The following SLC31A1 variants were observed in gnomAD, a reference collection of about 807,000 sequenced individuals.
SLC31A1 encodes the protein high affinity copper uptake protein 1.
In SLC31A1, 5 loss-of-function variants were observed where a neutral mutation model predicts 17.2. The observed-to-expected ratio is 0.29, with a 90% CI of 0.15 to 0.61. SLC31A1 has a LOEUF of 0.61. Among genes scored for constraint, SLC31A1 ranks in the 20% least tolerant of loss-of-function variants. The pLI, the probability that SLC31A1 is intolerant of heterozygous loss-of-function variation, is 0.86. For missense variants in SLC31A1, 161 were observed against 241.4 expected, an observed-to-expected ratio of 0.67 and a Z score of 2.21; for synonymous variants, 76 against 78.8, an observed-to-expected ratio of 0.96 and a Z score of 0.19.
chr9:113,254,079 C>T (rs1252410747), intron 1 of SLC31A1, among the ~76,000 whole-genome samples: 5 of 151,456 alleles, frequency 3.3e-5, no homozygotes, highest in Admixed American at 2.0e-4. Flanking sequence ...CTCAGCCACC[C>T]GAGTAACTGG....
chr9:113,256,805 G>C (rs1043276132), intron 2 of SLC31A1, among the ~76,000 whole-genome samples: 4 of 150,994 alleles, frequency 2.6e-5, no homozygotes, highest in African/African-American at 9.8e-5. Flanking sequence ...AGGTTGTAGT[G>C]AGCCGAGATC....
chr9:113,239,296 A>ATCT (rs995276846), intron 1 of SLC31A1, among the ~76,000 whole-genome samples: 1 of 152,130 alleles, frequency 6.6e-6, no homozygotes, highest in Non-Finnish European at 1.5e-5. Context: ...CCAGGAATAA[A>ATCT]TTCTTCTTAC....
At position 113,243,891 on chromosome 9, in the gene SLC31A1, C is replaced by T. The variant is rs575759161; in HGVS notation, c.-35-12223C>T. ...CCTACTGGCCAAGCGCAGTGGCTCA[C>T]GCCTGTAATCCCAGCACTTTGGGAG... On this transcript the variant is annotated intron_variant, in intron 1 of 4. Coordinates refer to ENST00000374212, the MANE Select transcript of SLC31A1 (RefSeq NM_001859.4). Among the ~76,000 whole-genome samples, 24 of 152,176 alleles carry T rather than the reference C, an allele frequency of 1.6e-4. No homozygotes were observed. The East Asian group carries it at 3.3e-3, about 21-fold the overall frequency.
chr9:113,260,707 A>C lies in SLC31A1; in HGVS notation c.*234A>C. On this transcript the variant is annotated 3_prime_UTR_variant, in exon 5 of 5. Transcript: ENST00000374212. ...ATAAGCTGAGATTCCCATTTCTCTTAAGGAGAAGCCACCCATGAGATGTCT... is the reference window on the plus strand; with the variant it reads ...ATAAGCTGAGATTCCCATTTCTCTTCAGGAGAAGCCACCCATGAGATGTCT... The C allele has an allele frequency of 1.8e-6, 1 of 554,332 alleles. No individual in the cohort carries two copies. The highest frequency in any genetic ancestry group is 3.3e-6 in the Non-Finnish European group (1 of 303,844). The allele number at this position is 554,332 out of a possible 1,614,324, so 34.3% of individuals were successfully genotyped here.
intron 1 of SLC31A1, among the ~76,000 whole-genome samples, chr9:113,252,666 C>G (rs2119011382): frequency 6.6e-6 from 1 of 152,312 alleles, no homozygotes; most frequent in South Asian, 2.1e-4. Context: ...GTTTCCCTTT[C>G]TAGCTTTTAG....
intron 1 of SLC31A1, 54 bp from the exon 2 acceptor site, chr9:113,256,059 AG>A: frequency 2.3e-6 from 3 of 1,318,092 alleles, no homozygotes; most frequent in Non-Finnish European, 3.1e-6. Context: ...AATAAAAAAA[AG>A]AGATAAGATT....
At chr9:113,237,222 C>T (rs908465169) in intron 1 of SLC31A1, among the ~76,000 whole-genome samples, 2 of 152,242 alleles carry the variant, frequency 1.3e-5, no homozygotes, top group Admixed American at 6.5e-5. Flanking sequence ...ACAGTTGTAG[C>T]GCATACTGTA....
chr9:113,258,234 T>C lies in SLC31A1; in HGVS notation c.203-460T>C, dbSNP rs964004496. ...TTTGTTTTGGGAAGAAGGAGAGCAT[T>C]TAGTTCAGGTAATGTGTTAAATTAG... On this transcript the variant is annotated intron_variant, in intron 3 of 4. Coordinates refer to ENST00000374212, the MANE Select transcript of SLC31A1 (RefSeq NM_001859.4). The surrounding 1 kb of genome is among the most constrained non-coding windows in gnomAD (Gnocchi z 4.8). Among the ~76,000 whole-genome samples the C allele has an allele frequency of 6.6e-6, 1 of 152,240 alleles. No homozygotes were observed. The highest frequency in any genetic ancestry group is 2.4e-5 in the African/African-American group (1 of 41,462).
chr9:113,253,012 GGC>G (rs1831676262), intron 1 of SLC31A1, among the ~76,000 whole-genome samples: 1 of 145,118 alleles, frequency 6.9e-6, no homozygotes, highest in East Asian at 2.0e-4. Flanking sequence ...GGAGTGCAGT[GGC>G]GCGGTCTCGC....
intron 1 of SLC31A1, among the ~76,000 whole-genome samples, chr9:113,227,870 T>C (rs41305491): frequency 0.06 from 9,105 of 152,292 alleles, 317 homozygotes; most frequent in African/African-American, 0.082. Flanking sequence ...ACTAGCTAGT[T>C]TTGTTTAAAT....
chr9:113,245,441 A>G (rs1158140676), intron 1 of SLC31A1, among the ~76,000 whole-genome samples: 1 of 152,158 alleles, frequency 6.6e-6, no homozygotes, highest in Non-Finnish European at 1.5e-5. Context: ...TTTGTGAGCC[A>G]TCGCACCCGG....
intron 1 of SLC31A1, among the ~76,000 whole-genome samples, chr9:113,238,026 A>G (rs1169469499): frequency 1.3e-5 from 2 of 152,200 alleles, no homozygotes; most frequent in African/African-American, 2.4e-5. Context: ...AGGCTTTTAC[A>G]TATATGGTCT....
At chr9:113,239,603 GAC>G (rs1209303731) in intron 1 of SLC31A1, among the ~76,000 whole-genome samples, 1 of 151,696 alleles carries the variant, frequency 6.6e-6, no homozygotes, top group South Asian at 2.1e-4. Context: ...TTTTTTTTGA[GAC>G]ACAGTCTCGC....
intron 1 of SLC31A1, among the ~76,000 whole-genome samples, chr9:113,250,093 GTTCA>G (rs1831630447): frequency 6.7e-6 from 1 of 149,396 alleles, no homozygotes; most frequent in Admixed American, 6.7e-5. Context: ...CTGTAAACTA[GTTCA>G]ACCATTGTGG....
intron 1 of SLC31A1, among the ~76,000 whole-genome samples, chr9:113,253,054 C>T (rs1390413148): frequency 2.0e-5 from 3 of 150,652 alleles, no homozygotes; most frequent in East Asian, 3.9e-4. Flanking sequence ...CCCGGGTTCA[C>T]GCCATTCTCC....
Position 113,261,590 on chromosome 9 carries a change from AAG to A in SLC31A1, c.*1122_*1123del, listed in dbSNP as rs1260639577. ...TGGTTTGTCCCAGCTGAAGTGAAGC[AAG>A]AGAGTTTGAATTAATTTTTCCATTA... On this transcript the variant is annotated 3_prime_UTR_variant, in exon 5 of 5. Transcript: ENST00000374212. 1 of 152,654 alleles carries A rather than the reference AAG, an allele frequency of 6.6e-6. No individual in the cohort carries two copies. The highest frequency in any genetic ancestry group is 1.5e-5 in the Non-Finnish European group (1 of 68,038). The allele number at this position is 152,654 out of a possible 1,614,324, so 9.5% of individuals were successfully genotyped here.
chr9:113,260,580 TACACACAC>T lies in SLC31A1; in HGVS notation c.*132_*139del, dbSNP rs57266996. On this transcript the variant is annotated 3_prime_UTR_variant, in exon 5 of 5. Coordinates refer to ENST00000374212, the MANE Select transcript of SLC31A1 (RefSeq NM_001859.4). Reference sequence around the variant, plus strand: ...CCCTTCTTGCTCCTCTTTGTGCACGTACACACACACACACACACACACACACACACACC... The same window carrying T: ...CCCTTCTTGCTCCTCTTTGTGCACGTACACACACACACACACACACACACC... The T allele has an allele frequency of 1.6e-4, 101 of 631,770 alleles. No homozygotes were observed. The highest frequency in any genetic ancestry group is 8.8e-4 in the African/African-American group (47 of 53,586). 39.1% of individuals were successfully genotyped at this position (631,770 alleles called of 1,614,324 possible).
Position 113,263,770 on chromosome 9 carries a change from C to G in SLC31A1, c.*3297C>G, listed in dbSNP as rs533953876. On this transcript the variant is annotated 3_prime_UTR_variant, in exon 5 of 5. Transcript: ENST00000374212. ...CAGAATCTTAGGTGCCGTCTCTAGT[C>G]TGTGAGGGAGGAACTCCCAGCATCC... is the stretch of plus-strand genomic sequence containing the variant. 6.6e-6 allele frequency: 1 copy of G among 152,496 alleles called. No homozygotes were observed. Among genetic ancestry groups the G allele is most frequent in the South Asian group, 2.1e-4 (1 of 4,818 alleles). The allele number at this position is 152,496 out of a possible 1,614,324, so 9.4% of individuals were successfully genotyped here.
At chr9:113,236,678 T>C (rs1831464544) in intron 1 of SLC31A1, among the ~76,000 whole-genome samples, 1 of 152,162 alleles carries the variant, frequency 6.6e-6, no homozygotes, top group South Asian at 2.1e-4. Flanking sequence ...GAAACTATTC[T>C]TATATGTACC....
Sources: gnomAD v4.1 joint callset for allele counts (sites outside exome capture counted in the v4.1 genomes callset) on GRCh38, gnomAD v4.1.1 for gene constraint, Gnocchi (gnomAD v3.1) non-coding constraint, MANE v1.5 for transcripts, NCBI Gene and HGNC (gene_info 2026-07-23, HGNC 2026-07-21) for gene names.